The following PCCA variants were observed in gnomAD, a reference collection of about 807,000 sequenced individuals.
The protein encoded by PCCA is propionyl-CoA carboxylase subunit alpha, also known as propionyl-CoA carboxylase alpha chain, mitochondrial.
Under a neutral mutation model 101.3 loss-of-function variants are expected in PCCA, and 74 were observed. The observed-to-expected ratio is 0.73, with a 90% CI of 0.61 to 0.89. The LOEUF is 0.89. PCCA is among the 40% of genes least tolerant of loss of function. PCCA has a pLI of 0.00. For synonymous variants in PCCA, 294 were observed against 313.6 expected (o/e 0.94, Z 0.66); for missense variants, 891 against 907.0 (o/e 0.98, Z 0.23).
At chr13:100,176,943 A>G (rs764252494) in intron 6 of PCCA, among the ~76,000 whole-genome samples, 16 of 152,298 alleles carry the variant, frequency 1.1e-4, no homozygotes, top group Middle Eastern at 3.4e-3. Context: ...TTGTTTTTGG[A>G]TGCTTGCCAG....
chr13:100,431,952 G>C (rs2079580711), intron 20 of PCCA, among the ~76,000 whole-genome samples: 1 of 152,078 alleles, frequency 6.6e-6, no homozygotes, highest in Non-Finnish European at 1.5e-5. Context: ...CACTTTGGGA[G>C]GCCGAGGCGG....
intron 7 of PCCA, among the ~76,000 whole-genome samples, chr13:100,215,765 A>T (rs2152489135): frequency 6.6e-6 from 1 of 151,988 alleles, no homozygotes; most frequent in South Asian, 2.1e-4. Flanking sequence ...TCAGCCTCTC[A>T]AGTAGCTGGG....
intron 9 of PCCA, among the ~76,000 whole-genome samples, chr13:100,259,620 A>T (rs2062339235): frequency 6.6e-6 from 1 of 152,084 alleles, no homozygotes; most frequent in South Asian, 2.1e-4. Context: ...GGCGTGCACC[A>T]CTGCGCCCAA....
At chr13:100,398,184 G>GT (rs2077142509) in intron 19 of PCCA, among the ~76,000 whole-genome samples, 1 of 152,144 alleles carries the variant, frequency 6.6e-6, no homozygotes, top group African/African-American at 2.4e-5. Context: ...AAAGATTGAA[G>GT]GAAGCTCCGT....
At chr13:100,181,963 G>A (rs1337196845) in intron 6 of PCCA, among the ~76,000 whole-genome samples, 9 of 142,534 alleles carry the variant, frequency 6.3e-5, no homozygotes, top group East Asian at 2.1e-4. Context: ...ATGGGGTCTC[G>A]CCATGTTTCT....
chr13:100,409,610 C>T (rs984323012), intron 19 of PCCA, among the ~76,000 whole-genome samples: 3 of 152,086 alleles, frequency 2.0e-5, no homozygotes, highest in Non-Finnish European at 2.9e-5. Flanking sequence ...TTTCCAGGGG[C>T]CCCTTCCCGC....
chr13:100,441,715 C>T (rs539248185), intron 20 of PCCA, among the ~76,000 whole-genome samples: 1 of 152,104 alleles, frequency 6.6e-6, no homozygotes, highest in East Asian at 1.9e-4. Context: ...TTTTAATAAG[C>T]GTGGATATGT....
At chr13:100,089,443 C>T (rs182707170) in intron 1 of PCCA, among the ~76,000 whole-genome samples, 37 of 152,370 alleles carry the variant, frequency 2.4e-4, no homozygotes, top group Non-Finnish European at 3.5e-4. Context: ...GGGGATCCTG[C>T]GGAGCAGAGA....
chr13:100,124,585 C>T (rs921835731), intron 4 of PCCA, among the ~76,000 whole-genome samples: 1 of 152,028 alleles, frequency 6.6e-6, no homozygotes, highest in African/African-American at 2.4e-5. Flanking sequence ...GATGATATGT[C>T]CCTGCTGTCT....
At chr13:100,224,689 G>A (rs113141112) in intron 7 of PCCA, among the ~76,000 whole-genome samples, 5 of 152,358 alleles carry the variant, frequency 3.3e-5, no homozygotes, top group African/African-American at 1.2e-4. Context: ...CATATAGGAT[G>A]GGCATGTAAC....
intron 12 of PCCA, among the ~76,000 whole-genome samples, chr13:100,278,787 T>C (rs1432268419): frequency 1.3e-5 from 2 of 152,220 alleles, no homozygotes; most frequent in Non-Finnish European, 2.9e-5. Context: ...CTGTAGTTGA[T>C]ATTTTTATCG....
At chr13:100,299,704 C>T (rs941364197) in intron 12 of PCCA, among the ~76,000 whole-genome samples, 6 of 152,080 alleles carry the variant, frequency 3.9e-5, no homozygotes, top group East Asian at 3.8e-4. Context: ...GCACTTGGCA[C>T]GTGGTAGGTT....
chr13:100,138,531 C>A (rs907349976), intron 4 of PCCA, among the ~76,000 whole-genome samples: 1 of 152,118 alleles, frequency 6.6e-6, no homozygotes, highest in Non-Finnish European at 1.5e-5. Flanking sequence ...TCCTTCATTC[C>A]TTATGTTCCA....
chr13:100,369,244 A>G (rs1455681897), intron 19 of PCCA, among the ~76,000 whole-genome samples: 2 of 152,224 alleles, frequency 1.3e-5, no homozygotes, highest in Admixed American at 6.5e-5. Flanking sequence ...TGCTATTAAT[A>G]TATAGTTAGT....
At chr13:100,089,971 C>T (rs185442986) in intron 1 of PCCA, among the ~76,000 whole-genome samples, 1 of 152,230 alleles carries the variant, frequency 6.6e-6, no homozygotes, top group African/African-American at 2.4e-5. Flanking sequence ...TCGAGTCTGT[C>T]GTTAATTCTG....
At chr13:100,386,863 C>T (rs960725239) in intron 19 of PCCA, among the ~76,000 whole-genome samples, 2 of 152,214 alleles carry the variant, frequency 1.3e-5, no homozygotes, top group African/African-American at 4.8e-5. Context: ...GAGAAGGATA[C>T]ATCTCTTAGA....
At chr13:100,515,646 A>ACGATT in intron 22 of PCCA, 79 bp downstream of exon 22, 1 of 1,543,208 alleles carries the variant, frequency 6.5e-7, no homozygotes. Flanking sequence ...ACGGCACAGC[A>ACGATT]CGATTCGGCT....
At chr13:100,366,276 A>G (rs1028262287) in intron 18 of PCCA, among the ~76,000 whole-genome samples, 7 of 152,094 alleles carry the variant, frequency 4.6e-5, no homozygotes, top group African/African-American at 1.7e-4. Flanking sequence ...TAGTCCAGGG[A>G]CACCCAGGGA....
At chr13:100,242,479 C>G (rs1381051575) in intron 8 of PCCA, among the ~76,000 whole-genome samples, 1 of 152,078 alleles carries the variant, frequency 6.6e-6, no homozygotes, top group Non-Finnish European at 1.5e-5. Flanking sequence ...GTAATGGATG[C>G]AACATCTAGA....
Sources: allele counts gnomAD v4.1 joint callset (sites outside exome capture counted in the v4.1 genomes callset), GRCh38; gene constraint gnomAD v4.1.1; transcripts MANE v1.5; gene names NCBI Gene and HGNC (gene_info 2026-07-23, HGNC 2026-07-21).